CHN2: variants seen among roughly 807,000 people sequenced by gnomAD.
CHN2 encodes the protein beta-chimaerin.
CHN2 carries 35 observed loss-of-function variants against 56.3 expected under a neutral mutation model. The observed-to-expected ratio is 0.62, with a 90% confidence interval of 0.47 to 0.82. The LOEUF is 0.82. Among genes scored for constraint, CHN2 ranks in the 40% least tolerant of loss-of-function variants. The pLI, the probability that CHN2 is intolerant of heterozygous loss-of-function variation, is 0.00. For synonymous variants in CHN2, 210 were observed against 212.8 expected (o/e 0.99, Z 0.12); for missense variants, 491 against 580.5 (o/e 0.85, Z 1.58).
intron 1 of CHN2, among the ~76,000 whole-genome samples, chr7:29,332,181 C>A (rs1028661150): frequency 1.3e-5 from 2 of 152,126 alleles, no homozygotes; most frequent in African/African-American, 4.8e-5. Flanking sequence ...CGAGACTGTC[C>A]AAGCTCCACC....
chr7:29,387,410 G>T (rs1394092039), intron 3 of CHN2, among the ~76,000 whole-genome samples: 3 of 152,196 alleles, frequency 2.0e-5, no homozygotes, highest in Non-Finnish European at 4.4e-5. Context: ...CTGCAAACAT[G>T]CAATGAGGAC....
Position 29,208,147 on chromosome 7 carries a change from A to G in CHN2, c.49+13157A>G, listed in dbSNP as rs556208318. ...TAATTGGAGGAAGATTGGCCCTGTC[A>G]TGGAATTAATGAAGCTAAAGACAGA... On this transcript the variant is annotated intron_variant, in intron 1 of 12. Transcript: ENST00000222792. Among the ~76,000 whole-genome samples, 4 of 152,312 alleles carry G rather than the reference A, an allele frequency of 2.6e-5. No individual in the cohort carries two copies. The South Asian group carries it at 6.2e-4, about 24-fold the overall frequency.
intron 3 of CHN2, among the ~76,000 whole-genome samples, chr7:29,388,853 CTG>C (rs1390633219): frequency 1.3e-5 from 2 of 152,154 alleles, no homozygotes; most frequent in African/African-American, 4.8e-5. Flanking sequence ...GGTGTGTGGA[CTG>C]TGGATAGTAG....
In CHN2 at chr7:29,355,719, C is replaced by T. The variant is rs1012844042; in HGVS notation, c.88+1056C>T. 5.9e-4 allele frequency among the ~76,000 whole-genome samples: 90 copies of T among 151,614 alleles called. 1 individual carries two copies. Among genetic ancestry groups the T allele is most frequent in the East Asian group, 3.9e-4 (2 of 5,156 alleles). ...CAAGAACCTGCCCTGTGCTGGCCAC[C>T]GCACCAAGCAGCCAAGTCCCGAATT... On this transcript the variant is annotated intron_variant, in intron 2 of 12. Coordinates refer to ENST00000222792, the MANE Select transcript of CHN2 (RefSeq NM_004067.4).
chr7:29,265,695 G>A lies in CHN2; in HGVS notation c.49+70705G>A, dbSNP rs182314831. Among the ~76,000 whole-genome samples, 49 of 151,844 alleles carry A rather than the reference G, an allele frequency of 3.2e-4. No individual in the cohort carries two copies. The East Asian group carries it at 7.7e-3, about 24-fold the overall frequency. On this transcript the variant is annotated intron_variant, in intron 1 of 12. Coordinates refer to ENST00000222792, the MANE Select transcript of CHN2 (RefSeq NM_004067.4). ...AGAAGAGGGCTCTCTCTCTGGTTTCGGAAAGCAGTGGGCTGGCATGTAGGG... is the reference window on the plus strand; with the variant it reads ...AGAAGAGGGCTCTCTCTCTGGTTTCAGAAAGCAGTGGGCTGGCATGTAGGG...
At chr7:29,184,881 G>C (rs1798521009) in intron 2 of CHN2, among the ~76,000 whole-genome samples, 1 of 152,180 alleles carries the variant, frequency 6.6e-6, no homozygotes. Context: ...TTCAATGCCA[G>C]CCCTGAGGAA....
At chr7:29,166,054 C>T (rs1433560771) in intron 2 of CHN2, among the ~76,000 whole-genome samples, 1 of 151,994 alleles carries the variant, frequency 6.6e-6, no homozygotes, top group South Asian at 2.1e-4. Context: ...TGTTTTTAGA[C>T]AGGGTCTCAC....
At chr7:29,221,835 C>T (rs1230588886) in intron 1 of CHN2, among the ~76,000 whole-genome samples, 1 of 152,156 alleles carries the variant, frequency 6.6e-6, no homozygotes, top group Non-Finnish European at 1.5e-5. Context: ...TGTATACATA[C>T]TACATTTTCT....
chr7:29,307,342 A>G (rs772193295), intron 1 of CHN2, among the ~76,000 whole-genome samples: 2 of 152,226 alleles, frequency 1.3e-5, no homozygotes, highest in Non-Finnish European at 2.9e-5. Flanking sequence ...GAAAGAATAA[A>G]AGGAGTCTAT....
intron 1 of CHN2, among the ~76,000 whole-genome samples, chr7:29,280,300 C>T (rs1225773988): frequency 6.6e-6 from 1 of 152,056 alleles, no homozygotes; most frequent in Non-Finnish European, 1.5e-5. Context: ...AGGAGAATTG[C>T]TTGAACCCAG....
At chr7:29,390,359 G>A (rs10228781) in intron 3 of CHN2, among the ~76,000 whole-genome samples, 7,595 of 152,226 alleles carry the variant, frequency 0.05, 242 homozygotes, top group South Asian at 0.09. Context: ...TGGCCGATCC[G>A]ACAGCCGTCA....
intron 1 of CHN2, among the ~76,000 whole-genome samples, chr7:29,216,970 T>C (rs1219733833): frequency 1.3e-5 from 2 of 152,178 alleles, no homozygotes; most frequent in Non-Finnish European, 2.9e-5. Flanking sequence ...ATCTGCTCTT[T>C]CTCCCCAGTG....
intron 1 of CHN2, among the ~76,000 whole-genome samples, chr7:29,263,077 G>C (rs767754972): frequency 1.3e-5 from 2 of 151,936 alleles, no homozygotes; most frequent in South Asian, 2.1e-4. Context: ...CTCTGATGCC[G>C]AGCCGAGGCT....
At chr7:29,341,917 A>G (rs1797076255) in intron 1 of CHN2, among the ~76,000 whole-genome samples, 1 of 152,224 alleles carries the variant, frequency 6.6e-6, no homozygotes, top group African/African-American at 2.4e-5. Flanking sequence ...GGCCTTGGGA[A>G]AGTGACTATA....
intron 1 of CHN2, among the ~76,000 whole-genome samples, chr7:29,335,242 A>C (rs990364759): frequency 6.6e-6 from 1 of 152,234 alleles, no homozygotes; most frequent in African/African-American, 2.4e-5. Flanking sequence ...TGCCTATTGC[A>C]ATATAACAGA....
chr7:29,283,617 T>C (rs1791905801), intron 1 of CHN2, among the ~76,000 whole-genome samples: 1 of 152,102 alleles, frequency 6.6e-6, no homozygotes, highest in African/African-American at 2.4e-5. Flanking sequence ...TATATTTTTA[T>C]TTTTATTGTC....
chr7:29,410,912 T>G (rs186730397), intron 6 of CHN2, among the ~76,000 whole-genome samples: 105 of 152,262 alleles, frequency 6.9e-4, no homozygotes, highest in African/African-American at 2.2e-3. Flanking sequence ...ACACAGACTT[T>G]CCTCCTCAAA....
chr7:29,456,623 A>ACCACCC (rs1784783966), intron 6 of CHN2, among the ~76,000 whole-genome samples: 1 of 16,078 alleles, frequency 6.2e-5, no homozygotes. Context: ...CCTCCCCCCC[A>ACCACCC]CCACCACCAC....
intron 6 of CHN2, among the ~76,000 whole-genome samples, chr7:29,458,556 G>A (rs1329933696): frequency 5.9e-5 from 9 of 152,140 alleles, no homozygotes; most frequent in African/African-American, 2.4e-5. Flanking sequence ...TATTCCCGGT[G>A]CCTGGAGTTA....
Sources: gnomAD v4.1 joint callset for allele counts (sites outside exome capture counted in the v4.1 genomes callset) on GRCh38, gnomAD v4.1.1 for gene constraint, MANE v1.5 for transcripts, NCBI Gene and HGNC (gene_info 2026-07-23, HGNC 2026-07-21) for gene names.